Variants in EXOC4 observed in about 807,000 individuals in gnomAD.
EXOC4 encodes the protein exocyst complex component 4, also known as SEC8-like 1.
Under a neutral mutation model 107.2 loss-of-function variants are expected in EXOC4, and 71 were observed. The observed-to-expected ratio is 0.66, with a 90% CI of 0.55 to 0.81. EXOC4 has a LOEUF of 0.81. EXOC4 is among the 30% of genes least tolerant of loss of function. The probability of loss-of-function intolerance (pLI) is 0.00; values close to 1 mark genes in which losing one functional copy is unlikely to be tolerated. For missense variants in EXOC4, 1,108 were observed against 1,189.6 expected (o/e 0.93, Z 1.01); for synonymous variants, 456 against 441.2 (o/e 1.03, Z -0.42).
At chr7:133,640,757 C>T (rs1047845400) in intron 10 of EXOC4, among the ~76,000 whole-genome samples, 3 of 152,058 alleles carry the variant, frequency 2.0e-5, no homozygotes, top group Admixed American at 1.3e-4. Context: ...AGATAATTGG[C>T]AATTAACATG....
At chr7:133,887,129 C>T (rs1213756976) in intron 11 of EXOC4, among the ~76,000 whole-genome samples, 2 of 152,138 alleles carry the variant, frequency 1.3e-5, no homozygotes, top group East Asian at 1.9e-4. Flanking sequence ...CCTTGACCTC[C>T]AGTGGGTATG....
At position 133,715,542 on chromosome 7, in the gene EXOC4, T is replaced by C. The variant is rs375799797; in HGVS notation, c.1514+85401T>C. Among the ~76,000 whole-genome samples, 6 of 152,158 alleles carry C rather than the reference T, an allele frequency of 3.9e-5. No individual in the cohort carries two copies. In the South Asian group the frequency reaches 1.0e-3, roughly 26 times the overall value. On this transcript the variant is annotated intron_variant, in intron 10 of 17. Transcript: ENST00000253861. ...CAAGCAATGGGAGAGATACAAGTTA[T>C]AGTAATATAAAAAGTTATAGTAATT... is the stretch of plus-strand genomic sequence containing the variant.
chr7:134,008,803 A>G (rs76900052), intron 17 of EXOC4, among the ~76,000 whole-genome samples: 1 of 151,590 alleles, frequency 6.6e-6, no homozygotes, highest in South Asian at 2.1e-4. Context: ...TAATTTTTAT[A>G]TTTTTTTTAT....
intron 7 of EXOC4, among the ~76,000 whole-genome samples, chr7:133,465,472 C>CT (rs1798705333): frequency 2.0e-5 from 3 of 152,134 alleles, no homozygotes; most frequent in East Asian, 3.9e-4. Flanking sequence ...AATGAATACC[C>CT]TTTTTTGATA....
chr7:133,940,823 G>C (rs1028185016), intron 14 of EXOC4, among the ~76,000 whole-genome samples: 9 of 151,214 alleles, frequency 6.0e-5, no homozygotes, highest in Non-Finnish European at 1.0e-4. Flanking sequence ...TGCAACAAAA[G>C]TGTTTCCAAG....
At chr7:133,485,436 A>G (rs980067090) in intron 9 of EXOC4, among the ~76,000 whole-genome samples, 4 of 152,068 alleles carry the variant, frequency 2.6e-5, no homozygotes, top group African/African-American at 9.7e-5. Flanking sequence ...GACTCTCCCC[A>G]GATGATCTCA....
At chr7:133,620,961 A>AT (rs1424722088) in intron 9 of EXOC4, among the ~76,000 whole-genome samples, 1 of 152,212 alleles carries the variant, frequency 6.6e-6, no homozygotes, top group African/African-American at 2.4e-5. Flanking sequence ...TTGATCAACC[A>AT]TTTAAAAATA....
intron 11 of EXOC4, among the ~76,000 whole-genome samples, chr7:133,823,843 T>TTATA (rs869279764): frequency 5.3e-5 from 1 of 18,718 alleles, no homozygotes; most frequent in Non-Finnish European, 7.7e-5. Flanking sequence ...TATATATATA[T>TTATA]TATATATATA....
At chr7:133,810,458 TGCAAGAAAGTAAATTCAACAACACA>T (rs1336126977) in intron 10 of EXOC4, among the ~76,000 whole-genome samples, 5 of 152,168 alleles carry the variant, frequency 3.3e-5, no homozygotes, top group Non-Finnish European at 7.3e-5. Flanking sequence ...CATAACTTGC[TGCAAGAAAGTAAATTCAACAACACA>T]GGTATTGCAT....
intron 13 of EXOC4, among the ~76,000 whole-genome samples, chr7:133,923,514 G>C (rs1298111289): frequency 6.6e-6 from 1 of 152,026 alleles, no homozygotes; most frequent in Non-Finnish European, 1.5e-5. Context: ...CAATGAACTT[G>C]AACACTTTTT....
At chr7:133,439,990 A>AT (rs1378573610) in intron 7 of EXOC4, among the ~76,000 whole-genome samples, 3 of 152,140 alleles carry the variant, frequency 2.0e-5, no homozygotes, top group African/African-American at 7.2e-5. Context: ...TAGCTTCTTT[A>AT]TTTTTTACTT....
At chr7:133,506,503 A>G (rs1033680118) in intron 9 of EXOC4, among the ~76,000 whole-genome samples, 1 of 152,096 alleles carries the variant, frequency 6.6e-6, no homozygotes, top group East Asian at 1.9e-4. Flanking sequence ...GGGATTTCAC[A>G]CAGACATATT....
chr7:133,611,696 C>A (rs1802079541), intron 9 of EXOC4, among the ~76,000 whole-genome samples: 1 of 152,114 alleles, frequency 6.6e-6, no homozygotes, highest in African/African-American at 2.4e-5. Context: ...TACAGACTAA[C>A]TCCTACCCAT....
At chr7:133,383,072 G>A (rs938732084) in intron 7 of EXOC4, among the ~76,000 whole-genome samples, 1 of 152,104 alleles carries the variant, frequency 6.6e-6, no homozygotes. Flanking sequence ...GCCCTTTTGA[G>A]CAGCGGCAGT....
At chr7:133,631,142 T>C (rs11773721) in intron 10 of EXOC4, among the ~76,000 whole-genome samples, 19,389 of 152,180 alleles carry the variant, frequency 0.13, 1,716 homozygotes, top group Non-Finnish European at 0.19. Flanking sequence ...GTGTTTTCTC[T>C]GTAAAGAACC....
At chr7:133,810,880 G>A (rs912436899) in intron 10 of EXOC4, among the ~76,000 whole-genome samples, 5 of 152,068 alleles carry the variant, frequency 3.3e-5, no homozygotes, top group Non-Finnish European at 7.4e-5. Flanking sequence ...TGATCTGCCT[G>A]CCTTGGCCTC....
Position 133,679,538 on chromosome 7 carries a change from G to GTCCATCCATCCATCCATCCATCCA in EXOC4, c.1514+49400_1514+49401insATCCATCCATCCATCCATCCATCC, listed in dbSNP as rs200481678. On this transcript the variant is annotated intron_variant, in intron 10 of 17. Transcript: ENST00000253861. ...TTGCTACTGCCCCATCCATCCGTCC[G>GTCCATCCATCCATCCATCCATCCA]TCCGTCCATCCATCCATCCATCCAT... 1.2e-3 allele frequency among the ~76,000 whole-genome samples: 175 copies of GTCCATCCATCCATCCATCCATCCA among 143,142 alleles called. 2 individuals carry two copies. The highest frequency in any genetic ancestry group is 4.3e-3 in the African/African-American group (163 of 38,072). 93.9% of individuals were successfully genotyped at this position (143,142 alleles called of 152,430 possible).
chr7:133,263,568 CA>C (rs1017406908), intron 1 of EXOC4, among the ~76,000 whole-genome samples: 2 of 151,430 alleles, frequency 1.3e-5, no homozygotes, highest in African/African-American at 4.9e-5. Context: ...TTTTTGTAGA[CA>C]GGGAGTTTCA....
At chr7:133,662,749 A>G (rs1793722928) in intron 10 of EXOC4, among the ~76,000 whole-genome samples, 2 of 152,164 alleles carry the variant, frequency 1.3e-5, no homozygotes, top group Admixed American at 1.3e-4. Flanking sequence ...TATCTGCTTT[A>G]CTGAGAACAG....
Sources: gnomAD v4.1 joint callset for allele counts (sites outside exome capture counted in the v4.1 genomes callset) on GRCh38, gnomAD v4.1.1 for gene constraint, MANE v1.5 for transcripts, NCBI Gene and HGNC (gene_info 2026-07-23, HGNC 2026-07-21) for gene names.